The following GRIK2 variants were observed in gnomAD, a reference collection of about 807,000 sequenced individuals.
GRIK2 encodes the protein glutamate ionotropic receptor kainate type subunit 2, also known as glutamate receptor ionotropic, kainate 2.
GRIK2 carries 32 observed loss-of-function variants against 100.3 expected under a neutral mutation model. The ratio of observed to expected loss-of-function variants is 0.32; its 90% CI spans 0.24 to 0.43. The LOEUF is 0.43. GRIK2 is among the 20% of genes least tolerant of loss of function. The probability of loss-of-function intolerance (pLI) is 1.00; values close to 1 mark genes in which losing one functional copy is unlikely to be tolerated. For missense variants in GRIK2, 843 were observed against 1,114.9 expected, an observed-to-expected ratio of 0.76 and a Z score of 3.47; for synonymous variants, 417 against 389.4, an observed-to-expected ratio of 1.07 and a Z score of -0.83.
intron 10 of GRIK2, among the ~76,000 whole-genome samples, chr6:101,854,741 A>C (rs1321454238): frequency 6.6e-6 from 1 of 152,200 alleles, no homozygotes; most frequent in Non-Finnish European, 1.5e-5. Flanking sequence ...CTAATTTATC[A>C]ATAATTTATC....
chr6:101,765,016 T>C (rs1777956056), intron 7 of GRIK2, among the ~76,000 whole-genome samples: 1 of 152,144 alleles, frequency 6.6e-6, no homozygotes, highest in Admixed American at 6.5e-5. Flanking sequence ...ATGAGGAACA[T>C]TTTTCAGCTT....
chr6:101,538,061 A>G (rs567499719), intron 2 of GRIK2, among the ~76,000 whole-genome samples: 3 of 151,932 alleles, frequency 2.0e-5, no homozygotes, highest in Non-Finnish European at 4.4e-5. Flanking sequence ...GAAACCAACA[A>G]GACTGTTCAT....
rs1583205845 is a variant in GRIK2, at chr6:101,818,408, A to G, written c.1242A>G (p.Thr414=). 6.2e-7 allele frequency: 1 copy of G among 1,611,506 alleles called. No homozygotes were observed. The part of the protein sequence containing the change: ...TWDPASGLNM[T]ESQKGKPANI... ...ATCCAGCCAGTGGCCTGAATATGAC[A>G]GAAAGTCAAAAGGGAAAGCCAGCGA... Residue 414 remains threonine, a synonymous_variant, in exon 10 of 17, where the codon ACA becomes ACG. Coordinates refer to ENST00000369134, the MANE Select transcript of GRIK2 (RefSeq NM_021956.5).
intron 14 of GRIK2, among the ~76,000 whole-genome samples, chr6:101,970,529 T>C (rs745891640): frequency 6.6e-6 from 1 of 151,996 alleles, no homozygotes; most frequent in Non-Finnish European, 1.5e-5. Context: ...TGGTGGATTA[T>C]GCAGACATTT....
At chr6:101,929,447 C>T (rs994738410) in intron 14 of GRIK2, among the ~76,000 whole-genome samples, 2 of 151,150 alleles carry the variant, frequency 1.3e-5, no homozygotes, top group African/African-American at 4.9e-5. Context: ...ACACAACTGG[C>T]AGTTCAAATG....
intron 2 of GRIK2, among the ~76,000 whole-genome samples, chr6:101,536,960 G>A (rs1198667196): frequency 6.6e-6 from 1 of 151,614 alleles, no homozygotes; most frequent in Non-Finnish European, 1.5e-5. Context: ...AATTCTAAAT[G>A]TATGGCTTTT....
chr6:101,962,979 ATT>A (rs144734031), intron 14 of GRIK2, among the ~76,000 whole-genome samples: 2 of 149,492 alleles, frequency 1.3e-5, no homozygotes, highest in Admixed American at 6.7e-5. Flanking sequence ...AGGCAGTTGA[ATT>A]TTTTTTTTAT....
At chr6:101,420,580 G>A (rs1776365525) in intron 2 of GRIK2, among the ~76,000 whole-genome samples, 1 of 152,084 alleles carries the variant, frequency 6.6e-6, no homozygotes, top group Non-Finnish European at 1.5e-5. Context: ...AAGAAACTAG[G>A]GGTGGGCTCA....
At position 101,900,293 on chromosome 6, in the gene GRIK2, C is replaced by G. The variant is rs549526499; in HGVS notation, c.1748+10430C>G. 3.3e-5 allele frequency among the ~76,000 whole-genome samples: 5 copies of G among 152,032 alleles called. 1 individual carries two copies. The highest frequency in any genetic ancestry group is 1.2e-4 in the African/African-American group (5 of 41,496). On this transcript the variant is annotated intron_variant, in intron 12 of 16. Coordinates refer to ENST00000369134, the MANE Select transcript of GRIK2 (RefSeq NM_021956.5). ...CAGCCTGACCAACATAGAGAAACCC[C>G]GTCTCCACTAAAAATATAAAATTAG...
At chr6:101,918,794 G>A (rs1308366832) in intron 12 of GRIK2, among the ~76,000 whole-genome samples, 4 of 151,730 alleles carry the variant, frequency 2.6e-5, no homozygotes, top group African/African-American at 9.7e-5. Context: ...ATGAGGAGGA[G>A]GAGAATGATT....
At position 101,601,485 on chromosome 6, in the gene GRIK2, T is replaced by A. The variant is rs116956836; in HGVS notation, c.116-20464T>A. On this transcript the variant is annotated intron_variant, in intron 2 of 16. Coordinates refer to ENST00000369134, the MANE Select transcript of GRIK2 (RefSeq NM_021956.5). ...TGGAGGAATCCCTCCTTCTTGATGT[T>A]TTGGAATAGTTCTGGTAGAATTAGT... is the stretch of plus-strand genomic sequence containing the variant. 2.0e-3 allele frequency among the ~76,000 whole-genome samples: 303 copies of A among 152,078 alleles called. 1 individual carries two copies. The highest frequency in any genetic ancestry group is 3.7e-3 in the Non-Finnish European group (251 of 67,926).
chr6:101,660,729 C>A (rs532980528), intron 4 of GRIK2, among the ~76,000 whole-genome samples: 31 of 152,252 alleles, frequency 2.0e-4, no homozygotes, highest in African/African-American at 6.7e-4. Context: ...AACAGTCAGG[C>A]CCCTCTGCTG....
At chr6:101,620,937 G>T (rs1780126790) in intron 2 of GRIK2, among the ~76,000 whole-genome samples, 1 of 152,036 alleles carries the variant, frequency 6.6e-6, no homozygotes. Context: ...AGACAGAGCT[G>T]GTGGAAGGTC....
At chr6:101,420,887 A>G (rs543888988) in intron 2 of GRIK2, among the ~76,000 whole-genome samples, 48 of 152,284 alleles carry the variant, frequency 3.2e-4, no homozygotes, top group Non-Finnish European at 4.6e-4. Context: ...ATTAGAGGGG[A>G]AAAAGGGTTA....
intron 3 of GRIK2, among the ~76,000 whole-genome samples, chr6:101,625,285 A>T (rs1356097492): frequency 6.6e-6 from 1 of 152,054 alleles, no homozygotes; most frequent in African/African-American, 2.4e-5. Context: ...AGGCAGGAGA[A>T]TCGCTTGAAC....
At chr6:101,548,288 G>A (rs1269047584) in intron 2 of GRIK2, among the ~76,000 whole-genome samples, 1 of 152,142 alleles carries the variant, frequency 6.6e-6, no homozygotes, top group East Asian at 1.9e-4. Flanking sequence ...CACTCTGATG[G>A]TAGTTTCTTT....
chr6:101,651,558 A>T (rs903734977), intron 4 of GRIK2, among the ~76,000 whole-genome samples: 1 of 152,178 alleles, frequency 6.6e-6, no homozygotes, highest in Non-Finnish European at 1.5e-5. Flanking sequence ...AGAGCAATGC[A>T]AGAGGAATCT....
chr6:101,603,875 A>T (rs1424403359), intron 2 of GRIK2, among the ~76,000 whole-genome samples: 1 of 151,758 alleles, frequency 6.6e-6, no homozygotes, highest in African/African-American at 2.4e-5. Flanking sequence ...AACTACTTTT[A>T]TAATTGCTAA....
intron 2 of GRIK2, among the ~76,000 whole-genome samples, chr6:101,409,417 C>A (rs1021378006): frequency 6.6e-6 from 1 of 151,826 alleles, no homozygotes; most frequent in Non-Finnish European, 1.5e-5. Flanking sequence ...AGAATGTATT[C>A]CTGTTGTTAA....
Sources: allele counts gnomAD v4.1 joint callset (sites outside exome capture counted in the v4.1 genomes callset), GRCh38; gene constraint gnomAD v4.1.1; transcripts MANE v1.5; gene names NCBI Gene and HGNC (gene_info 2026-07-23, HGNC 2026-07-21).